B3GALNT2: variants seen among roughly 807,000 people sequenced by gnomAD.
The protein encoded by B3GALNT2 is UDP-GalNAc:beta-1,3-N-acetylgalactosaminyltransferase 2.
B3GALNT2 carries 53 observed loss-of-function variants against 61.1 expected under a neutral mutation model. That is an observed-to-expected ratio of 0.87 (90% CI 0.70 to 1.09). B3GALNT2 has a LOEUF of 1.09. Among genes scored for constraint, B3GALNT2 ranks in the 50% least tolerant of loss-of-function variants. The probability of loss-of-function intolerance (pLI) is 0.00; values close to 1 mark genes in which losing one functional copy is unlikely to be tolerated. For missense variants in B3GALNT2, 544 were observed against 623.0 expected (o/e 0.87, Z 1.35); for synonymous variants, 223 against 237.4 (o/e 0.94, Z 0.56).
the B3GALNT2 span, chr1:235,441,811 C>T: frequency 6.2e-7 from 1 of 1,613,756 alleles, no homozygotes; most frequent in African/African-American, 1.3e-5. Flanking sequence ...CTTTCTTAAA[C>T]AGAATATGGT....
chr1:235,469,858 C>A (rs542525671), intron 6 of B3GALNT2, among the ~76,000 whole-genome samples: 2 of 151,880 alleles, frequency 1.3e-5, no homozygotes, highest in Admixed American at 1.3e-4. Context: ...CAGCACACCC[C>A]GCCTTATTTT....
the B3GALNT2 span, chr1:235,441,756 T>G: frequency 1.3e-6 from 2 of 1,511,538 alleles, no homozygotes; most frequent in Admixed American, 1.7e-5. Context: ...TTGTTTGTTT[T>G]GTTTTTACTT....
chr1:235,475,319 AAC>A (rs1465099789), intron 5 of B3GALNT2, among the ~76,000 whole-genome samples: 12 of 152,030 alleles, frequency 7.9e-5, no homozygotes, highest in African/African-American at 2.7e-4. Flanking sequence ...TTTTAAGAGA[AAC>A]ACACAGTAGT....
intron 5 of B3GALNT2, among the ~76,000 whole-genome samples, chr1:235,477,725 T>C (rs1203691066): frequency 6.6e-6 from 1 of 152,198 alleles, no homozygotes; most frequent in Non-Finnish European, 1.5e-5. Context: ...CAACTGAAAG[T>C]GTCTCTATAC....
downstream of B3GALNT2, among the ~76,000 whole-genome samples, chr1:235,445,081 C>G (rs1682154443): frequency 6.6e-6 from 1 of 152,242 alleles, no homozygotes; most frequent in African/African-American, 2.4e-5. Flanking sequence ...GGGTAGCTAG[C>G]AGAGATTCGA....
chr1:235,494,849 T>C, intron 1 of B3GALNT2, 21 bp from the exon 2 acceptor site: 1 of 1,575,320 alleles, frequency 6.3e-7, no homozygotes, highest in Non-Finnish European at 8.7e-7. Flanking sequence ...GAACAATACA[T>C]GAGAAATAAG....
At chr1:235,470,427 C>CA (rs1171833751) in intron 6 of B3GALNT2, among the ~76,000 whole-genome samples, 3 of 151,826 alleles carry the variant, frequency 2.0e-5, no homozygotes, top group Admixed American at 2.0e-4. Flanking sequence ...CCCATCTCTA[C>CA]AAAAAACACA....
intron 5 of B3GALNT2, among the ~76,000 whole-genome samples, chr1:235,476,448 G>C (rs573775544): frequency 1.1e-4 from 17 of 151,864 alleles, no homozygotes; most frequent in South Asian, 2.1e-4. Flanking sequence ...GACCTGGTGT[G>C]GTGGCTCAAG....
downstream of B3GALNT2, chr1:235,442,945 C>G: frequency 6.2e-7 from 1 of 1,610,100 alleles, no homozygotes; most frequent in Non-Finnish European, 8.5e-7. Flanking sequence ...TCCTTAAACT[C>G]TGAATCATCG....
chr1:235,489,141 T>C (rs763644190), intron 3 of B3GALNT2, 27 bp downstream of exon 3: 10 of 1,612,666 alleles, frequency 6.2e-6, no homozygotes, highest in Non-Finnish European at 7.6e-6. Context: ...AGCTTGTGTA[T>C]GGCAGTCAAG....
intron 5 of B3GALNT2, among the ~76,000 whole-genome samples, chr1:235,475,942 G>A (rs1450304414): frequency 2.0e-5 from 3 of 151,906 alleles, no homozygotes; most frequent in Non-Finnish European, 4.4e-5. Context: ...TGCCCGCCTC[G>A]GCCTCCCAAA....
downstream of B3GALNT2, among the ~76,000 whole-genome samples, chr1:235,446,662 ACTTT>A (rs1238978622): frequency 2.0e-5 from 3 of 151,286 alleles, no homozygotes; most frequent in Non-Finnish European, 4.4e-5. Context: ...AGAGATTGCT[ACTTT>A]CTTCTATAGA....
At chr1:235,502,777 A>G (rs1484917102) in intron 1 of B3GALNT2, among the ~76,000 whole-genome samples, 1 of 152,240 alleles carries the variant, frequency 6.6e-6, no homozygotes. Flanking sequence ...GACGCTCTAC[A>G]AGGAGATTCC....
chr1:235,454,383 C>T, intron 9 of B3GALNT2, 68 bp from the exon 10 acceptor site: 5 of 1,414,296 alleles, frequency 3.5e-6, no homozygotes, highest in Non-Finnish European at 4.9e-6. Context: ...TAAAACTTGA[C>T]TCCTTTATCA....
chr1:235,474,299 C>T (rs1409142194), intron 5 of B3GALNT2, among the ~76,000 whole-genome samples: 1 of 152,184 alleles, frequency 6.6e-6, no homozygotes, highest in Non-Finnish European at 1.5e-5. Context: ...GAAAAAATAG[C>T]ATGATACAGG....
At chr1:235,442,903 A>T (rs1452158703), downstream of B3GALNT2, 8 of 1,614,144 alleles carry the variant, frequency 5.0e-6, no homozygotes, top group South Asian at 7.7e-5. Flanking sequence ...CTGGAGAAAC[A>T]ACTGCCGGGT....
Position 235,449,044 on chromosome 1 carries a change from AG to A in B3GALNT2, c.*1161del. On this transcript the variant is annotated 3_prime_UTR_variant, in exon 12 of 12. Transcript: ENST00000366600. Reference sequence around the variant, plus strand: ...TCATGATAAGATTTAAATATTAAATAGAAAGAAACTAGCTAGCCTAATAAAA... The same window carrying A: ...TCATGATAAGATTTAAATATTAAATAAAAGAAACTAGCTAGCCTAATAAAA... The A allele has an allele frequency of 2.9e-6, 1 of 348,344 alleles. No individual in the cohort carries two copies. The highest frequency in any genetic ancestry group is 5.4e-6 in the Non-Finnish European group (1 of 184,224). The allele number at this position is 348,344 out of a possible 1,614,324, so 21.6% of individuals were successfully genotyped here. A position where few individuals can be genotyped will look rare whatever the true frequency, so the allele number is the denominator to read the frequency against.
chr1:235,487,826 C>T (rs1684873546), intron 3 of B3GALNT2, among the ~76,000 whole-genome samples: 1 of 152,182 alleles, frequency 6.6e-6, no homozygotes, highest in Non-Finnish European at 1.5e-5. Context: ...CTCTGTCACC[C>T]AGGCTGGAGT....
Position 235,448,694 on chromosome 1 carries a change from G to T in B3GALNT2, c.*1512C>A. 1 of 1,614,062 alleles carries T rather than the reference G, an allele frequency of 6.2e-7. No individual in the cohort carries two copies. The highest frequency in any genetic ancestry group is 8.5e-7 in the Non-Finnish European group (1 of 1,179,974). Reference sequence around the variant, plus strand: ...GAAGCCGGGCAGAGAAATCGAGCTGGAAAATGACCTAAAGTCATTACAGTT... The same window carrying T: ...GAAGCCGGGCAGAGAAATCGAGCTGTAAAATGACCTAAAGTCATTACAGTT... On this transcript the variant is annotated 3_prime_UTR_variant, in exon 12 of 12. Transcript: ENST00000366600.
Sources: allele counts gnomAD v4.1 joint callset (sites outside exome capture counted in the v4.1 genomes callset), GRCh38; gene constraint gnomAD v4.1.1; transcripts MANE v1.5; gene names NCBI Gene and HGNC (gene_info 2026-07-23, HGNC 2026-07-21).